Variants in SLC24A2 observed in about 807,000 individuals in gnomAD.
SLC24A2 encodes the protein solute carrier family 24 member 2.
A neutral mutation model predicts 62.0 loss-of-function variants in SLC24A2; 36 were observed. The observed-to-expected ratio is 0.58, with a 90% CI of 0.44 to 0.77. The LOEUF (loss-of-function observed/expected upper bound fraction) is 0.77. Ranked by LOEUF, SLC24A2 falls within the 30% of genes least tolerant of loss-of-function variation. SLC24A2 has a pLI of 0.00. For missense variants in SLC24A2, 846 were observed against 817.9 expected, an observed-to-expected ratio of 1.03 and a Z score of -0.42; for synonymous variants, 358 against 294.0, an observed-to-expected ratio of 1.22 and a Z score of -2.23.
At chr9:19,573,208 T>C (rs1835888998) in intron 7 of SLC24A2, 143 bp downstream of exon 7, 1 of 629,958 alleles carries the variant, frequency 1.6e-6, no homozygotes, top group East Asian at 3.0e-5. Context: ...CACTGGGAAA[T>C]ACACACAAGG....
rs1834536248 is a variant in SLC24A2 at position 19,545,805 on chromosome 9, A to AT, written c.1479+4331dup. 6.6e-5 allele frequency among the ~76,000 whole-genome samples: 10 copies of AT among 151,886 alleles called. 1 individual carries two copies. In the South Asian group the frequency reaches 1.0e-3, roughly 16 times the overall value. On this transcript the variant is annotated intron_variant, in intron 8 of 10. Transcript: ENST00000341998. ...AGGCACCCACCACCACGCCTGCCTA[A>AT]TTTTTTGTGTTTTTACTAGAGACGG...
chr9:20,179,270 A>G, the SLC24A2 span, among the ~76,000 whole-genome samples: 1 of 152,084 alleles, frequency 6.6e-6, no homozygotes, highest in African/African-American at 2.4e-5. Flanking sequence ...GAACCATGGG[A>G]TGTCTTCAGG....
At chr9:19,804,885 G>A in the SLC24A2 span, among the ~76,000 whole-genome samples, 1 of 152,080 alleles carries the variant, frequency 6.6e-6, no homozygotes, top group Non-Finnish European at 1.5e-5. Context: ...GTATCAAAAT[G>A]ATCATGTAGC....
chr9:20,229,879 C>T, the SLC24A2 span, among the ~76,000 whole-genome samples: 1 of 136,182 alleles, frequency 7.3e-6, no homozygotes, highest in African/African-American at 2.6e-5. Context: ...GCCATCCCTC[C>T]CCCCTCCCCC....
intron 2 of SLC24A2, among the ~76,000 whole-genome samples, chr9:19,775,457 T>G (rs1244538335): frequency 6.6e-6 from 1 of 152,170 alleles, no homozygotes; most frequent in Admixed American, 6.5e-5. Flanking sequence ...GTTTGGTGAG[T>G]GTTGGCCTCA....
chr9:19,573,529 C>CACACACACACACACACACACAG (rs1390433234), intron 6 of SLC24A2, 60 bp from the exon 7 acceptor site: 1 of 403,618 alleles, frequency 2.5e-6, no homozygotes, highest in Non-Finnish European at 4.1e-6. Flanking sequence ...CACACACACA[C>CACACACACACACACACACACAG]AGAGAGAGAG....
At chr9:20,035,728 A>G in the SLC24A2 span, among the ~76,000 whole-genome samples, 10 of 152,140 alleles carry the variant, frequency 6.6e-5, no homozygotes, top group Non-Finnish European at 1.5e-4. Flanking sequence ...CTGCACTCCA[A>G]CCTGGGTGAC....
chr9:20,224,810 A>T, the SLC24A2 span, among the ~76,000 whole-genome samples: 1 of 151,964 alleles, frequency 6.6e-6, no homozygotes, highest in Non-Finnish European at 1.5e-5. Flanking sequence ...GGGCTAATGG[A>T]TTCACCCCTA....
At chr9:19,558,650 G>A (rs1009014012) in intron 7 of SLC24A2, among the ~76,000 whole-genome samples, 1 of 152,168 alleles carries the variant, frequency 6.6e-6, no homozygotes, top group South Asian at 2.1e-4. Flanking sequence ...TGAAATAGGA[G>A]ATAATTTTCA....
intron 4 of SLC24A2, among the ~76,000 whole-genome samples, chr9:19,614,454 G>A (rs1412591567): frequency 6.6e-6 from 1 of 152,126 alleles, no homozygotes; most frequent in East Asian, 1.9e-4. Context: ...GCACACCAAG[G>A]AACAATGAAC....
the SLC24A2 span, among the ~76,000 whole-genome samples, chr9:19,949,559 C>G: frequency 3.3e-5 from 5 of 152,182 alleles, no homozygotes; most frequent in East Asian, 7.7e-4. Flanking sequence ...GCAATAGAAT[C>G]TCCTGAGTTT....
chr9:19,946,420 A>T, the SLC24A2 span, among the ~76,000 whole-genome samples: 1 of 152,202 alleles, frequency 6.6e-6, no homozygotes, highest in Non-Finnish European at 1.5e-5. Context: ...GAGGAGCTCA[A>T]TCAGTATCAT....
chr9:20,137,123 A>G, the SLC24A2 span, among the ~76,000 whole-genome samples: 1 of 152,150 alleles, frequency 6.6e-6, no homozygotes, highest in Non-Finnish European at 1.5e-5. Context: ...AGCCACCCAC[A>G]AAGAGTAACA....
At chr9:20,080,935 C>G in the SLC24A2 span, among the ~76,000 whole-genome samples, 3 of 152,136 alleles carry the variant, frequency 2.0e-5, no homozygotes, top group Non-Finnish European at 4.4e-5. Context: ...GAGATAACAT[C>G]TCACACCAGT....
chr9:19,532,911 G>C (rs1833776042), intron 8 of SLC24A2, among the ~76,000 whole-genome samples: 1 of 152,168 alleles, frequency 6.6e-6, no homozygotes, highest in Non-Finnish European at 1.5e-5. Context: ...TCTTAGTCAT[G>C]AGAGAAGATA....
At chr9:20,211,410 G>C in the SLC24A2 span, among the ~76,000 whole-genome samples, 1 of 152,146 alleles carries the variant, frequency 6.6e-6, no homozygotes, top group African/African-American at 2.4e-5. Context: ...TACTAGGGCG[G>C]CTGAGGCAGG....
intron 5 of SLC24A2, among the ~76,000 whole-genome samples, chr9:19,593,296 A>G (rs1035671039): frequency 2.0e-5 from 3 of 152,182 alleles, no homozygotes; most frequent in Admixed American, 1.3e-4. Context: ...TCTGCCCCCA[A>G]TCCAGCACCT....
chr9:19,887,609 T>A, the SLC24A2 span, among the ~76,000 whole-genome samples: 1 of 152,146 alleles, frequency 6.6e-6, no homozygotes, highest in Non-Finnish European at 1.5e-5. Context: ...TGGTGGAATG[T>A]AAACTAGTGC....
At chr9:19,891,724 T>C in the SLC24A2 span, among the ~76,000 whole-genome samples, 1 of 152,034 alleles carries the variant, frequency 6.6e-6, no homozygotes. Context: ...CCATCCTGGG[T>C]GACAGAGCGA....
Sources: allele counts gnomAD v4.1 joint callset (sites outside exome capture counted in the v4.1 genomes callset), GRCh38; gene constraint gnomAD v4.1.1; transcripts MANE v1.5; gene names NCBI Gene and HGNC (gene_info 2026-07-23, HGNC 2026-07-21).